Variants in IL23R observed in about 807,000 individuals in gnomAD.
IL23R encodes interleukin-23 receptor.
IL23R carries 34 observed loss-of-function variants against 56.9 expected under a neutral mutation model. That is an observed-to-expected ratio of 0.60 (90% CI 0.45 to 0.80). The LOEUF is 0.80. Ranked by LOEUF, IL23R falls within the 30% of genes least tolerant of loss-of-function variation. IL23R has a pLI of 0.00. For missense variants in IL23R, 635 were observed against 730.0 expected (o/e 0.87, Z 1.50); for synonymous variants, 230 against 249.2 (o/e 0.92, Z 0.73).
At position 67,258,843 on chromosome 1, in the gene IL23R, A is replaced by C. The variant is rs145454802; in HGVS notation, c.1605A>C (p.Ser535=). ...ATCCTAATTTTGCTTTTTCTGTTTCAAGTGTGAATTCACTAAGCAACACAA... is the reference window on the plus strand; with the variant it reads ...ATCCTAATTTTGCTTTTTCTGTTTCCAGTGTGAATTCACTAAGCAACACAA... The part of the protein sequence containing the change: ...QKHPNFAFSV[S]SVNSLSNTIF... The change falls in exon 11 of 11, where the codon TCA becomes TCC. Residue 535 remains serine, a synonymous_variant. Coordinates refer to ENST00000347310, the MANE Select transcript of IL23R (RefSeq NM_144701.3). 1 of 1,613,378 alleles carries C rather than the reference A, an allele frequency of 6.2e-7. No individual in the cohort carries two copies. Among genetic ancestry groups the C allele is most frequent in the African/African-American group, 1.3e-5 (1 of 74,898 alleles).
intron 10 of IL23R, 102 bp downstream of exon 10, chr1:67,256,029 C>A: frequency 1.4e-6 from 1 of 693,292 alleles, no homozygotes; most frequent in East Asian, 2.7e-5. Flanking sequence ...AATGTGCACA[C>A]ATATTAACAT....
intron 9 of IL23R, among the ~76,000 whole-genome samples, chr1:67,251,563 T>C (rs1652626789): frequency 1.3e-5 from 2 of 152,140 alleles, no homozygotes; most frequent in Non-Finnish European, 2.9e-5. Context: ...AAAAATCCTT[T>C]TAAATCTCTT....
downstream of IL23R, among the ~76,000 whole-genome samples, chr1:67,260,247 TAAGTC>T (rs1384778823): frequency 3.3e-5 from 5 of 152,130 alleles, no homozygotes; most frequent in African/African-American, 1.2e-4. Context: ...TGTCTTCACT[TAAGTC>T]AAGAGTGATG....
chr1:67,180,083 A>G (rs74480208), intron 3 of IL23R, among the ~76,000 whole-genome samples: 2 of 152,172 alleles, frequency 1.3e-5, no homozygotes, highest in Non-Finnish European at 2.9e-5. Context: ...GCTGAGAAGA[A>G]TATATATTCT....
chr1:67,171,386 AGTGTCCTGGAG>A (rs1401100027), intron 3 of IL23R, among the ~76,000 whole-genome samples: 4 of 152,162 alleles, frequency 2.6e-5, no homozygotes, highest in African/African-American at 9.7e-5. Flanking sequence ...ATGTGCTCTG[AGTGTCCTGGAG>A]GTGTTTAAGT....
chr1:67,261,392 A>C (rs1653198520), downstream of IL23R, among the ~76,000 whole-genome samples: 1 of 149,444 alleles, frequency 6.7e-6, no homozygotes, highest in African/African-American at 2.4e-5. Flanking sequence ...TTGCTCCAAA[A>C]GGGTATTACT....
chr1:67,259,237 T>A lies in IL23R; in HGVS notation c.*109T>A. On this transcript the variant is annotated 3_prime_UTR_variant, in exon 11 of 11. Transcript: ENST00000347310. ...TCTTTTTGAAAAAAATGTATTCACA[T>A]ACAAATCTTCACATGGACACATGTT... 1.9e-6 allele frequency: 2 copies of A among 1,072,736 alleles called. No individual in the cohort carries two copies. Among genetic ancestry groups the A allele is most frequent in the Non-Finnish European group, 2.8e-6 (2 of 709,500 alleles). The allele number at this position is 1,072,736 out of a possible 1,614,324, so 66.5% of individuals were successfully genotyped here.
chr1:67,227,781 G>A (rs775717214), intron 7 of IL23R, among the ~76,000 whole-genome samples: 4 of 152,144 alleles, frequency 2.6e-5, no homozygotes, highest in Admixed American at 6.5e-5. Flanking sequence ...AACAGACACG[G>A]TGTTTCTTGA....
At chr1:67,145,641 T>C (rs138826636) in intron 1 of IL23R, among the ~76,000 whole-genome samples, 1 of 152,284 alleles carries the variant, frequency 6.6e-6, no homozygotes, top group African/African-American at 2.4e-5. Context: ...AACTAAATAT[T>C]TGTTGACCGA....
intron 7 of IL23R, among the ~76,000 whole-genome samples, chr1:67,235,144 T>C (rs1316465877): frequency 6.6e-6 from 1 of 152,210 alleles, no homozygotes; most frequent in Non-Finnish European, 1.5e-5. Flanking sequence ...CCCTCAGAGT[T>C]TGGTGGAACC....
intron 4 of IL23R, among the ~76,000 whole-genome samples, chr1:67,194,443 G>A (rs1411017211): frequency 1.3e-5 from 2 of 152,138 alleles, no homozygotes; most frequent in Non-Finnish European, 2.9e-5. Flanking sequence ...TGTGTGCTGG[G>A]AACCAGACAG....
rs534567516 is a variant in IL23R at position 67,149,471 on chromosome 1, T to TC, written c.-634+10314dup. On this transcript the variant is annotated intron_variant, in intron 1 of 10. Coordinates refer to the IL23R transcript ENST00000637002. ...CTTAATCGCATTTTGCTTCTCTTAT[T>TC]CCCCATTTTTTTCTGTTGTAATCTT... Among the ~76,000 whole-genome samples the TC allele has an allele frequency of 2.2e-3, 331 of 152,200 alleles. 1 individual carries two copies. The highest frequency in any genetic ancestry group is 2.7e-3 in the Non-Finnish European group (182 of 68,002).
At chr1:67,187,780 T>G (rs543737930) in intron 4 of IL23R, among the ~76,000 whole-genome samples, 2 of 152,276 alleles carry the variant, frequency 1.3e-5, no homozygotes, top group East Asian at 3.9e-4. Flanking sequence ...AAAACTCAAG[T>G]GCTGGCCAGG....
chr1:67,208,564 C>T (rs910239366), intron 6 of IL23R, among the ~76,000 whole-genome samples: 12 of 152,188 alleles, frequency 7.9e-5, no homozygotes, highest in African/African-American at 2.9e-4. Flanking sequence ...AGGTGGAAGC[C>T]CCAAGCTTTG....
intron 8 of IL23R, among the ~76,000 whole-genome samples, chr1:67,239,086 A>G (rs1400900175): frequency 6.6e-6 from 1 of 152,198 alleles, no homozygotes; most frequent in South Asian, 2.1e-4. Context: ...ACAAATTCCA[A>G]TGTGATAAGT....
At chr1:67,144,015 A>C (rs2102525910) in intron 1 of IL23R, among the ~76,000 whole-genome samples, 1 of 152,356 alleles carries the variant, frequency 6.6e-6, no homozygotes, top group South Asian at 2.1e-4. Flanking sequence ...TGAAACTAAA[A>C]AACAAATAAA....
At chr1:67,167,696 C>G (rs776594343) in intron 1 of IL23R, among the ~76,000 whole-genome samples, 1 of 152,050 alleles carries the variant, frequency 6.6e-6, no homozygotes, top group African/African-American at 2.4e-5. Context: ...TGCACTCCAG[C>G]CTGGGCTACA....
intron 7 of IL23R, among the ~76,000 whole-genome samples, chr1:67,225,015 A>C (rs1210215212): frequency 6.6e-6 from 1 of 152,220 alleles, no homozygotes; most frequent in Admixed American, 6.5e-5. Flanking sequence ...GGTAAACAGT[A>C]GAGCCAGGGT....
upstream of IL23R, among the ~76,000 whole-genome samples, chr1:67,165,760 A>G (rs1035899976): frequency 6.6e-6 from 1 of 152,238 alleles, no homozygotes; most frequent in Non-Finnish European, 1.5e-5. Context: ...AATCTGAAAT[A>G]GTTGAACCCA....
Sources: allele counts gnomAD v4.1 joint callset (sites outside exome capture counted in the v4.1 genomes callset), GRCh38; gene constraint gnomAD v4.1.1; transcripts MANE v1.5; gene names NCBI Gene and HGNC (gene_info 2026-07-23, HGNC 2026-07-21).